Variants in MYOM3 observed in about 807,000 individuals in gnomAD.
MYOM3 encodes the protein myomesin-3.
MYOM3 carries 155 observed loss-of-function variants against 191.7 expected under a neutral mutation model. That is an observed-to-expected ratio of 0.81 (90% confidence interval 0.71 to 0.92). The LOEUF is 0.92. MYOM3 is among the 40% of genes least tolerant of loss of function. The pLI is 0.00. For missense variants in MYOM3, 1,889 were observed against 1,890.6 expected (o/e 1.00, Z 0.02); for synonymous variants, 757 against 762.9 (o/e 0.99, Z 0.13).
At chr1:24,079,447 C>T (rs1360224358) in intron 20 of MYOM3, among the ~76,000 whole-genome samples, 4 of 152,116 alleles carry the variant, frequency 2.6e-5, no homozygotes, top group Non-Finnish European at 5.9e-5. Context: ...AATCCTCCCA[C>T]CTCGGCCTCC....
At chr1:24,070,674 A>C (rs1232650999) in intron 25 of MYOM3, among the ~76,000 whole-genome samples, 2 of 152,222 alleles carry the variant, frequency 1.3e-5, no homozygotes, top group Non-Finnish European at 2.9e-5. Flanking sequence ...GTTCAAGACC[A>C]ACCTGGTCAA....
At position 24,089,601 on chromosome 1, in the gene MYOM3, C is replaced by T; in HGVS notation, c.1551G>A (p.Val517=). 6 of 1,596,364 alleles carry T rather than the reference C, an allele frequency of 3.8e-6. No individual in the cohort carries two copies. The highest frequency in any genetic ancestry group is 5.1e-6 in the Non-Finnish European group (6 of 1,171,726). The part of the protein sequence containing the change: ...VHASEIREAY[V]VLAWEEPSPR... ...GGCTGGGCTCCTCCCAGGCCAGAAC[C>T]ACATAGGCCTCTCGGATCTCGCTGG... Residue 517 remains valine (V), a synonymous_variant, in exon 14 of 37, where the codon GTG becomes GTA. Coordinates refer to ENST00000374434, the MANE Select transcript of MYOM3 (RefSeq NM_152372.4).
chr1:24,076,248 C>T lies in MYOM3; in HGVS notation c.2612G>A (p.Ser871Asn), dbSNP rs1249445782. ...LRVSDLQPGK[S>N]YVFQVQAMNS... ...CATGGCCTGTACCTGGAACACGTAA[C>T]TCTTTCCTGGCTGCAAGTCGGAAAC... Residue 871 changes from serine to asparagine, a missense_variant, in exon 21 of 37, where the codon AGT (serine) becomes AAT (asparagine). Physicochemically the swap from Ser to Asn is conservative, Grantham distance 46 (BLOSUM62 1). Coordinates refer to ENST00000374434, the MANE Select transcript of MYOM3 (RefSeq NM_152372.4). 1 of 1,614,070 alleles carries T rather than the reference C, an allele frequency of 6.2e-7. No individual in the cohort carries two copies. The highest frequency in any genetic ancestry group is 2.2e-5 in the East Asian group (1 of 44,896).
Position 24,062,102 on chromosome 1 carries a change from G to C in MYOM3, c.3778C>G (p.Arg1260Gly). Residue 1260 changes from arginine (R) to glycine (G), a missense_variant, in exon 33 of 37, where the codon CGT becomes GGT. Transcript: ENST00000374434. Reference protein sequence around the residue: ...MKTTWFHKDKRLESGDRIRTG... With the variant: ...MKTTWFHKDKGLESGDRIRTG... ...CTTATCCGATCACCACTCTCCAGAC[G>C]TTTGTCTCTGAATGTGAGGGTGGAG... The C allele has an allele frequency of 6.2e-7, 1 of 1,614,022 alleles. No individual in the cohort carries two copies. Among genetic ancestry groups the C allele is most frequent in the South Asian group, 1.1e-5 (1 of 91,064 alleles).
chr1:24,066,855 T>G, intron 28 of MYOM3, 166 bp downstream of exon 28: 1 of 607,634 alleles, frequency 1.6e-6, no homozygotes, highest in Non-Finnish European at 2.8e-6. Context: ...GGGTTTGCTT[T>G]TTGGGTTACG....
intron 28 of MYOM3, 132 bp from the exon 29 acceptor site, chr1:24,066,133 A>T (rs1451759195): frequency 1.4e-6 from 1 of 740,602 alleles, no homozygotes. Context: ...TGGCCTCTGG[A>T]CTCTGAATTC....
At chr1:24,057,996 G>A (rs1643324182) in intron 36 of MYOM3, among the ~76,000 whole-genome samples, 2 of 152,046 alleles carry the variant, frequency 1.3e-5, no homozygotes, top group African/African-American at 2.4e-5. Context: ...TAGTAGAGAT[G>A]GGGTTTTGCC....
At chr1:24,090,760 G>A (rs1643808750) in intron 12 of MYOM3, 37 bp downstream of exon 12, 1 of 1,603,034 alleles carries the variant, frequency 6.2e-7, no homozygotes, top group African/African-American at 1.3e-5. Context: ...TTCCCTGACT[G>A]ATGTTCTAGA....
rs541333344 is a variant in MYOM3, at chr1:24,076,745, A to T, written c.2587-472T>A. Reference sequence around the variant, plus strand: ...TAGCCGGGATGGTCTCGATCTCCTGACCTCGTGATCCGCCCGCCTCGGCCT... The same window carrying T: ...TAGCCGGGATGGTCTCGATCTCCTGTCCTCGTGATCCGCCCGCCTCGGCCT... On this transcript the variant is annotated intron_variant, in intron 20 of 36. Transcript: ENST00000374434. 1.5e-4 allele frequency among the ~76,000 whole-genome samples: 11 copies of T among 74,162 alleles called. 2 individuals carry two copies. The highest frequency in any genetic ancestry group is 4.8e-4 in the African/African-American group (11 of 22,714). The allele number at this position is 74,162 out of a possible 152,430, so 48.7% of individuals were successfully genotyped here.
rs770289379 is a variant in MYOM3 at position 24,097,960 on chromosome 1, G to A, written c.708C>T (p.His236=). 1.9e-5 allele frequency: 30 copies of A among 1,613,808 alleles called. No homozygotes were observed. In the South Asian group the frequency reaches 2.7e-4, roughly 15 times the overall value. Residue 236 remains histidine, a synonymous_variant, in exon 7 of 37, where the codon CAC becomes CAT. Coordinates refer to ENST00000374434, the MANE Select transcript of MYOM3 (RefSeq NM_152372.4). The part of the protein sequence containing the change: ...ATYTVRVKNA[H]GQASSFAKVL... ...CTTTGGCGAAGGAGGAGGCCTGGCC[G>A]TGGGCGTTCTTCACTCGCACAGTGT...
In MYOM3 at chr1:24,075,126, T is replaced by C. The variant is rs550404497; in HGVS notation, c.2858+193A>G. On this transcript the variant is annotated intron_variant, in intron 22 of 36. Transcript: ENST00000374434. ...GAAAAGAAGAGAAAAAATAGCACCA[T>C]TGCAGCCGCTTAAATGCACTCTCCA... 8.6e-5 allele frequency among the ~76,000 whole-genome samples: 13 copies of C among 150,388 alleles called. No individual in the cohort carries two copies. The East Asian group carries it at 2.1e-3, about 25-fold the overall frequency.
Position 24,092,935 on chromosome 1 carries a change from C to A in MYOM3, c.1090+12G>T, listed in dbSNP as rs1479981179. On this transcript the variant is annotated intron_variant, in intron 10 of 36. Coordinates refer to ENST00000374434, the MANE Select transcript of MYOM3 (RefSeq NM_152372.4). Reference sequence around the variant, plus strand: ...GCTCCTGCTGCTACCCTGCGCCCACCCATGCCCTCACCTCTCACAAGCACG... The same window carrying A: ...GCTCCTGCTGCTACCCTGCGCCCACACATGCCCTCACCTCTCACAAGCACG... 9.7e-6 allele frequency: 15 copies of A among 1,540,848 alleles called. No individual in the cohort carries two copies. The highest frequency in any genetic ancestry group is 1.3e-5 in the Non-Finnish European group (15 of 1,145,372).
chr1:24,085,109 A>AACGG (rs1643719988), intron 15 of MYOM3, among the ~76,000 whole-genome samples: 1 of 147,918 alleles, frequency 6.8e-6, no homozygotes, highest in Non-Finnish European at 1.5e-5. Flanking sequence ...TGGTTGGATG[A>AACGG]ATGGATGGAT....
At chr1:24,060,899 C>T (rs575364720) in intron 35 of MYOM3, among the ~76,000 whole-genome samples, 161 bp downstream of exon 35, 2 of 152,262 alleles carry the variant, frequency 1.3e-5, no homozygotes, top group Admixed American at 6.5e-5. Context: ...CGGATTCTGT[C>T]TCTGTCTTGC....
In MYOM3 at chr1:24,092,198, G is replaced by T; in HGVS notation, c.1208C>A (p.Pro403His). 6.8e-7 allele frequency: 1 copy of T among 1,459,996 alleles called. No homozygotes were observed. Among genetic ancestry groups the T allele is most frequent in the Non-Finnish European group, 9.1e-7 (1 of 1,098,124 alleles). The allele number at this position is 1,459,996 out of a possible 1,614,324, so 90.4% of individuals were successfully genotyped here. The change falls in exon 11 of 37, where the codon CCC becomes CAC. Residue 403 changes from proline (P) to histidine (H), a missense_variant. Physicochemically the swap from Pro to His is moderately conservative, Grantham distance 77. Coordinates refer to ENST00000374434, the MANE Select transcript of MYOM3 (RefSeq NM_152372.4). ...CCGCTCAATGGTGTAGGCAGTGATG[G>T]GGTTGCCCCGGGTGTCACTGGGCGG... The part of the protein sequence containing the change: ...WAPPSDTRGN[P>H]ITAYTIERCQ...
At chr1:24,092,908 G>A (rs779505737) in intron 10 of MYOM3, 39 bp downstream of exon 10, 3 of 1,463,088 alleles carry the variant, frequency 2.1e-6, no homozygotes, top group Non-Finnish European at 1.8e-6. Flanking sequence ...CCTGGTCTCT[G>A]GGCTCCTGCT....
At chr1:24,106,184 G>T in intron 4 of MYOM3, 107 bp from the exon 5 acceptor site, 1 of 1,276,086 alleles carries the variant, frequency 7.8e-7, no homozygotes, top group Non-Finnish European at 1.1e-6. Flanking sequence ...AGACCCACAT[G>T]GGCTGGAGTT....
At chr1:24,066,522 C>T (rs1643436538) in intron 28 of MYOM3, 4 of 459,336 alleles carry the variant, frequency 8.7e-6, no homozygotes, top group African/African-American at 2.0e-5. Flanking sequence ...CTAAGAAGGA[C>T]CTTAGGCTTT....
In MYOM3 at chr1:24,067,054, G is replaced by T. The variant is rs1428705977; in HGVS notation, c.3390C>A (p.Val1130=). ...TCAGCTGCACTTGGCAGTCCTCCGT[G>T]ACCTTCCACTGCAACGGCCGCTCAA... ...PYFERPLQWK[V]TEDCQVQLTC... The change falls in exon 28 of 37, where the codon GTC becomes GTA. Residue 1130 remains valine (V), a synonymous_variant. Coordinates refer to ENST00000374434, the MANE Select transcript of MYOM3 (RefSeq NM_152372.4). 4 of 1,579,292 alleles carry T rather than the reference G, an allele frequency of 2.5e-6. No homozygotes were observed. The Admixed American group carries it at 5.3e-5, about 21-fold the overall frequency.
Sources: allele counts gnomAD v4.1 joint callset (sites outside exome capture counted in the v4.1 genomes callset), GRCh38; gene constraint gnomAD v4.1.1; transcripts MANE v1.5; gene names NCBI Gene and HGNC (gene_info 2026-07-23, HGNC 2026-07-21).